CYB5A: variants seen among roughly 807,000 people sequenced by gnomAD.
The protein encoded by CYB5A is cytochrome b5 type A, also known as cytochrome b5.
A neutral mutation model predicts 16.2 loss-of-function variants in CYB5A; 10 were observed. The ratio of observed to expected loss-of-function variants is 0.62; its 90% CI spans 0.38 to 1.04. CYB5A has a LOEUF of 1.04. Among genes scored for constraint, CYB5A ranks in the 50% least tolerant of loss-of-function variants. The pLI, the probability that CYB5A is intolerant of heterozygous loss-of-function variation, is 0.01. For synonymous variants in CYB5A, 62 were observed against 57.0 expected (o/e 1.09, Z -0.40); for missense variants, 161 against 165.9 (o/e 0.97, Z 0.16).
intron 1 of CYB5A, among the ~76,000 whole-genome samples, chr18:74,273,755 A>G (rs1788635): frequency 0.26 from 39,873 of 152,142 alleles, 5,314 homozygotes; most frequent in South Asian, 0.34. Flanking sequence ...AGGCTTTCAG[A>G]GCCAGCTCTA....
intron 1 of CYB5A, among the ~76,000 whole-genome samples, chr18:74,266,160 A>G (rs553270555): frequency 2.1e-4 from 32 of 152,338 alleles, no homozygotes; most frequent in Non-Finnish European, 3.4e-4. Context: ...AGCCAACCCG[A>G]AACTTCTGGA....
intron 1 of CYB5A, among the ~76,000 whole-genome samples, chr18:74,273,336 C>G (rs951024497): frequency 1.3e-5 from 2 of 152,192 alleles, no homozygotes; most frequent in African/African-American, 4.8e-5. Context: ...AGGTACAGCC[C>G]TGGTTTCCTA....
chr18:74,289,762 G>A (rs1270474636), intron 1 of CYB5A, among the ~76,000 whole-genome samples: 1 of 137,322 alleles, frequency 7.3e-6, no homozygotes, highest in African/African-American at 2.9e-5. Flanking sequence ...GGCCACAAGA[G>A]CAAAACTCTG....
intron 1 of CYB5A, among the ~76,000 whole-genome samples, chr18:74,272,724 G>A (rs990226755): frequency 1.3e-5 from 2 of 152,146 alleles, no homozygotes; most frequent in Admixed American, 1.3e-4. Context: ...TTCAAGACCA[G>A]CCTGGCCAAC....
In CYB5A at chr18:74,255,598, G is replaced by C. The variant is rs530734252; in HGVS notation, c.323+143C>G. On this transcript the variant is annotated intron_variant, in intron 4 of 4. Transcript: ENST00000340533. ...CTGAAAGTTTGAGGCTGAGTGCTCT[G>C]AACAGTCTGGCCTTCAGCAGAAGGT... 4.1e-6 allele frequency: 3 copies of C among 724,798 alleles called. No individual in the cohort carries two copies. In the African/African-American group the frequency reaches 5.2e-5, roughly 13 times the overall value. The allele number at this position is 724,798 out of a possible 1,614,324, so 44.9% of individuals were successfully genotyped here.
chr18:74,261,405 TAC>T (rs1384886957), intron 2 of CYB5A: 10 of 211,642 alleles, frequency 4.7e-5, no homozygotes, highest in African/African-American at 2.3e-4. Context: ...CTGTCAAAAA[TAC>T]AGTGTGTTTA....
chr18:74,270,124 G>C (rs145580671), intron 1 of CYB5A, among the ~76,000 whole-genome samples: 10 of 151,752 alleles, frequency 6.6e-5, no homozygotes, highest in Admixed American at 6.6e-4. Context: ...GGCCACACTC[G>C]GTCCCCATCT....
chr18:74,288,063 A>G (rs1983382714), intron 1 of CYB5A, among the ~76,000 whole-genome samples: 1 of 152,258 alleles, frequency 6.6e-6, no homozygotes, highest in South Asian at 2.1e-4. Flanking sequence ...TAAGTATCAG[A>G]CAGTAACTAA....
chr18:74,291,855 C>T lies in CYB5A; in HGVS notation c.21G>A (p.Glu7=), dbSNP rs1354624573. The T allele has an allele frequency of 4.3e-6, 7 of 1,613,424 alleles. No homozygotes were observed. The highest frequency in any genetic ancestry group is 1.7e-5 in the Admixed American group (1 of 60,012). Residue 7 remains glutamate, a synonymous_variant, in exon 1 of 5, where the codon GAG becomes GAA. Transcript: ENST00000340533. ...CCTCTAGGGTGTAGTACTTCACGGC[C>T]TCGTCCGACTGCTCTGCCATCTCGG... MAEQSD[E]AVKYYTLEEI... is the part of the protein sequence containing the mutation.
intron 1 of CYB5A, among the ~76,000 whole-genome samples, chr18:74,288,552 CG>C (rs1983404615): frequency 6.6e-6 from 1 of 152,284 alleles, no homozygotes; most frequent in African/African-American, 2.4e-5. Flanking sequence ...GAAAGAGGAT[CG>C]GGCAAGCGGG....
intron 1 of CYB5A, among the ~76,000 whole-genome samples, chr18:74,283,875 C>G (rs1983213934): frequency 6.6e-6 from 1 of 152,162 alleles, no homozygotes; most frequent in African/African-American, 2.4e-5. Context: ...CTCCCTAAGA[C>G]ATACCGTCTT....
At chr18:74,276,366 C>T (rs1982876398) in intron 1 of CYB5A, among the ~76,000 whole-genome samples, 1 of 152,114 alleles carries the variant, frequency 6.6e-6, no homozygotes, top group African/African-American at 2.4e-5. Flanking sequence ...TTTTACATTT[C>T]TGAACAAAGT....
intron 1 of CYB5A, among the ~76,000 whole-genome samples, chr18:74,289,103 G>T (rs1473017737): frequency 6.6e-6 from 1 of 152,074 alleles, no homozygotes; most frequent in Non-Finnish European, 1.5e-5. Flanking sequence ...CCTCACTCAC[G>T]CCATCCTCCT....
chr18:74,254,356 G>A (rs1287177797), intron 4 of CYB5A, among the ~76,000 whole-genome samples: 2 of 136,400 alleles, frequency 1.5e-5, no homozygotes, highest in Non-Finnish European at 3.1e-5. Flanking sequence ...TTAAGAAACA[G>A]AATGGCCAGA....
intron 1 of CYB5A, among the ~76,000 whole-genome samples, chr18:74,274,037 G>A (rs1488452075): frequency 2.0e-5 from 3 of 152,182 alleles, no homozygotes; most frequent in African/African-American, 4.8e-5. Context: ...CCCTACTTCA[G>A]TAATAAGTAA....
intron 1 of CYB5A, among the ~76,000 whole-genome samples, chr18:74,275,400 G>A (rs1982830743): frequency 6.6e-6 from 1 of 152,098 alleles, no homozygotes; most frequent in Non-Finnish European, 1.5e-5. Context: ...TCATCCTGCT[G>A]CCTGGAGTTG....
intron 1 of CYB5A, among the ~76,000 whole-genome samples, chr18:74,288,897 T>C (rs562690815): frequency 6.6e-6 from 1 of 152,290 alleles, no homozygotes; most frequent in South Asian, 2.1e-4. Flanking sequence ...AGAGGTCGAA[T>C]CGGGAGGTGC....
intron 1 of CYB5A, among the ~76,000 whole-genome samples, chr18:74,283,956 G>A (rs925666990): frequency 6.6e-6 from 1 of 152,158 alleles, no homozygotes; most frequent in African/African-American, 2.4e-5. Context: ...GCACAGGCCG[G>A]GCGCAGTGGC....
intron 1 of CYB5A, among the ~76,000 whole-genome samples, chr18:74,277,124 A>G (rs917428645): frequency 6.6e-6 from 1 of 152,240 alleles, no homozygotes; most frequent in African/African-American, 2.4e-5. Flanking sequence ...CCCAAAATGA[A>G]AACAATTCAA....
Sources: gnomAD v4.1 joint callset for allele counts (sites outside exome capture counted in the v4.1 genomes callset) on GRCh38, gnomAD v4.1.1 for gene constraint, MANE v1.5 for transcripts, NCBI Gene and HGNC (gene_info 2026-07-23, HGNC 2026-07-21) for gene names.